The following TRIM8 variants were observed in gnomAD, a reference collection of about 807,000 sequenced individuals.
TRIM8 encodes E3 ubiquitin-protein ligase TRIM8.
In TRIM8, 9 loss-of-function variants were observed where a neutral mutation model predicts 55.7. That is an observed-to-expected ratio of 0.16 (90% CI 0.10 to 0.28). The LOEUF (loss-of-function observed/expected upper bound fraction) is 0.28, where lower values mean the gene tolerates loss of function less well. TRIM8 is among the 10% of genes least tolerant of loss of function. TRIM8 has a pLI of 1.00. For missense variants in TRIM8, 556 were observed against 736.4 expected (o/e 0.76, Z 2.83); for synonymous variants, 335 against 333.3 (o/e 1.01, Z -0.06).
intron 2 of TRIM8, 36 bp from the exon 3 acceptor site, chr10:102,655,044 T>A (rs776883021): frequency 6.2e-7 from 1 of 1,608,694 alleles, no homozygotes; most frequent in Non-Finnish European, 8.5e-7. Flanking sequence ...TTCCAGTGCT[T>A]ACCTGCCTGC....
chr10:102,654,838 C>G lies in TRIM8; in HGVS notation c.666+90C>G, dbSNP rs1006953073. 1.8e-5 allele frequency: 19 copies of G among 1,074,210 alleles called. No homozygotes were observed. In the Admixed American group the frequency reaches 1.9e-4, roughly 11 times the overall value. The allele number at this position is 1,074,210 out of a possible 1,614,324, so 66.5% of individuals were successfully genotyped here. A position where few individuals can be genotyped will look rare whatever the true frequency, so the allele number is the denominator to read the frequency against. ...CCTTACTAAGGATTGATTGTGTAGC[C>G]CTATGCCAGAACCACTCCATCAGTC... On this transcript the variant is annotated intron_variant, in intron 2 of 5. Transcript: ENST00000643721.
chr10:102,656,226 C>T lies in TRIM8; in HGVS notation c.933-44C>T, dbSNP rs368486398. ...TGGCGGGGAGGTAGGGCGGGCTCAC[C>T]GGTGATGCCTCCTCACAGCAGATGC... On this transcript the variant is annotated intron_variant, in intron 4 of 5. Transcript: ENST00000643721. This position sits in a 1 kb window ranked among gnomAD's most constrained non-coding sequence, Gnocchi z 4.6. 79 of 1,613,902 alleles carry T rather than the reference C, an allele frequency of 4.9e-5. No individual in the cohort carries two copies. The highest frequency in any genetic ancestry group is 3.8e-4 in the South Asian group (35 of 91,078).
Position 102,658,247 on chromosome 10 carries a change from GTATT to G in TRIM8, c.*898_*901del, listed in dbSNP as rs1654657957. 1 of 152,132 alleles carries G rather than the reference GTATT, an allele frequency of 6.6e-6. No homozygotes were observed. The highest frequency in any genetic ancestry group is 1.5e-5 in the Non-Finnish European group (1 of 68,048). The allele number at this position is 152,132 out of a possible 1,614,324, so 9.4% of individuals were successfully genotyped here. A position where few individuals can be genotyped will look rare whatever the true frequency, so the allele number is the denominator to read the frequency against. On this transcript the variant is annotated 3_prime_UTR_variant, in exon 6 of 6. Coordinates refer to ENST00000643721, the MANE Select transcript of TRIM8 (RefSeq NM_030912.3). ...TGGACTTCCTGTTCTCAAGGCGCAGGTATTTATTCTGTATCTGTCTAGAGCACAC... is the reference window on the plus strand; with the variant it reads ...TGGACTTCCTGTTCTCAAGGCGCAGGTATTCTGTATCTGTCTAGAGCACAC...
At chr10:102,654,561 G>T in intron 1 of TRIM8, 92 bp from the exon 2 acceptor site, 2 of 1,023,594 alleles carry the variant, frequency 2.0e-6, no homozygotes, top group Non-Finnish European at 3.1e-6. Context: ...CGGGTCAAAG[G>T]ATCCATAGGA....
In TRIM8 at chr10:102,657,050, C is replaced by G. The variant is rs1380083291; in HGVS notation, c.1352C>G (p.Ala451Gly). The G allele has an allele frequency of 6.2e-7, 1 of 1,613,094 alleles. No homozygotes were observed. The highest frequency in any genetic ancestry group is 8.5e-7 in the Non-Finnish European group (1 of 1,179,996). The change falls in exon 6 of 6, where the codon GCC (alanine) becomes GGC (glycine). Residue 451 changes from alanine (A) to glycine (G), a missense_variant. Coordinates refer to ENST00000643721, the MANE Select transcript of TRIM8 (RefSeq NM_030912.3). ...FPPSQYPNGS[A>G]AQQPMLPQYG... The stretch of plus-strand genomic sequence containing the variant: ...CCATCGCAGTATCCCAATGGCTCCG[C>G]CGCCCAGCAGCCCATGCTCCCCCAG...
At chr10:102,646,546 C>T (rs1047330003) in intron 1 of TRIM8, among the ~76,000 whole-genome samples, 2 of 152,126 alleles carry the variant, frequency 1.3e-5, no homozygotes, top group Non-Finnish European at 2.9e-5. Flanking sequence ...CAGGCTGGGG[C>T]GGGGGCAGCA....
In TRIM8 at chr10:102,656,749, C is replaced by G; in HGVS notation, c.1051C>G (p.Pro351Ala). 1 of 1,510,736 alleles carries G rather than the reference C, an allele frequency of 6.6e-7. No individual in the cohort carries two copies. Among genetic ancestry groups the G allele is most frequent in the Non-Finnish European group, 8.8e-7 (1 of 1,131,068 alleles). The allele number at this position is 1,510,736 out of a possible 1,614,324, so 93.6% of individuals were successfully genotyped here. ...EKQLRKMLEG[P>A]FSTPVPFLQS... Reference sequence around the variant, plus strand: ...ACTTTTGCCCCAACTCTCCACAGGCCCCTTCAGCACGCCGGTGCCCTTCCT... The same window carrying G: ...ACTTTTGCCCCAACTCTCCACAGGCGCCTTCAGCACGCCGGTGCCCTTCCT... Residue 351 changes from proline to alanine, a missense_variant and splice_region_variant, in exon 6 of 6, where the codon CCC (proline) becomes GCC (alanine). By Grantham distance (27) the Pro-to-Ala change is conservative (BLOSUM62 -1). Transcript: ENST00000643721. This position sits in a 1 kb window ranked among gnomAD's most constrained non-coding sequence, Gnocchi z 4.6.
chr10:102,651,962 C>T (rs1363445666), intron 1 of TRIM8, among the ~76,000 whole-genome samples: 1 of 152,206 alleles, frequency 6.6e-6, no homozygotes, highest in African/African-American at 2.4e-5. Flanking sequence ...TTCCCATGTG[C>T]GTGCGCAGCT....
intron 1 of TRIM8, among the ~76,000 whole-genome samples, chr10:102,649,610 C>G (rs912753115): frequency 3.3e-5 from 5 of 152,198 alleles, no homozygotes; most frequent in African/African-American, 7.2e-5. Context: ...TTCTGCTGCC[C>G]CAGAGCGCTG....
intron 1 of TRIM8, among the ~76,000 whole-genome samples, chr10:102,652,218 G>T (rs2063991191): frequency 6.6e-6 from 1 of 152,166 alleles, no homozygotes; most frequent in South Asian, 2.1e-4. Context: ...CAGGGTTCTG[G>T]TTTTTTCCAC....
chr10:102,655,988 T>G, intron 3 of TRIM8, 118 bp from the exon 4 acceptor site: 12 of 1,452,206 alleles, frequency 8.3e-6, no homozygotes, highest in African/African-American at 1.4e-5. Flanking sequence ...CTGTCCAGAA[T>G]GAGAGGATCC....
Position 102,655,210 on chromosome 10 carries a change from C to T in TRIM8, c.797C>T (p.Ala266Val). 6.2e-7 allele frequency: 1 copy of T among 1,607,860 alleles called. No homozygotes were observed. The highest frequency in any genetic ancestry group is 8.5e-7 in the Non-Finnish European group (1 of 1,178,288). ...CAGGCCAAGTTCTGCAGCGAGAACG[C>T]AGCGCAGGCGCTGCACCTCGGGGAG... Reference protein sequence around the residue: ...KAQAKFCSENAAQALHLGERM... With the variant: ...KAQAKFCSENVAQALHLGERM... Residue 266 changes from alanine to valine, a missense_variant, in exon 3 of 6, where the codon GCA (alanine) becomes GTA (valine). Coordinates refer to ENST00000643721, the MANE Select transcript of TRIM8 (RefSeq NM_030912.3).
chr10:102,647,898 G>A (rs979783123), intron 1 of TRIM8, among the ~76,000 whole-genome samples: 1 of 152,188 alleles, frequency 6.6e-6, no homozygotes, highest in African/African-American at 2.4e-5. Context: ...AGGTGCACAT[G>A]GGCCATAGCC....
Position 102,656,094 on chromosome 10 carries a change from T to C in TRIM8, c.901-12T>C. The C allele has an allele frequency of 6.2e-7, 1 of 1,613,962 alleles. No homozygotes were observed. Among genetic ancestry groups the C allele is most frequent in the Admixed American group, 1.7e-5 (1 of 60,002 alleles). The stretch of plus-strand genomic sequence containing the variant: ...CTTTTCCACTGACTTGACTCTTTTC[T>C]CTCCCCAACAGAACACCAAGTCTGT... On this transcript the variant is annotated splice_polypyrimidine_tract_variant and intron_variant, in intron 3 of 5. Transcript: ENST00000643721. The surrounding 1 kb of genome is among the most constrained non-coding windows in gnomAD (Gnocchi z 4.6).
chr10:102,645,303 T>C, intron 1 of TRIM8, 116 bp downstream of exon 1: 1 of 1,156,222 alleles, frequency 8.6e-7, no homozygotes, highest in Non-Finnish European at 1.2e-6. Context: ...ATCAGGCCAG[T>C]GGCCCCTGGC....
At chr10:102,646,131 G>T (rs1005203918) in intron 1 of TRIM8, among the ~76,000 whole-genome samples, 1 of 152,188 alleles carries the variant, frequency 6.6e-6, no homozygotes, top group South Asian at 2.1e-4. Context: ...CAGGCCTCTG[G>T]GCCTGGTTTT....
intron 1 of TRIM8, among the ~76,000 whole-genome samples, chr10:102,650,791 G>A (rs911775391): frequency 8.5e-5 from 13 of 152,180 alleles, no homozygotes; most frequent in African/African-American, 3.1e-4. Context: ...GGAGGCAGGT[G>A]GGGGTTGGGA....
rs1203696466 is a variant in TRIM8, at chr10:102,655,061, C to T, written c.667-19C>T. 11 of 1,612,882 alleles carry T rather than the reference C, an allele frequency of 6.8e-6. No individual in the cohort carries two copies. The highest frequency in any genetic ancestry group is 1.7e-5 in the Admixed American group (1 of 59,750). On this transcript the variant is annotated intron_variant, in intron 2 of 5. Transcript: ENST00000643721. ...CCAGTGCTTACCTGCCTGCCCACTC[C>T]TGCCCTCTGTACTCGCAGGAGAAAG...
At chr10:102,655,797 A>G (rs1293426709) in intron 3 of TRIM8, among the ~76,000 whole-genome samples, 6 of 152,210 alleles carry the variant, frequency 3.9e-5, no homozygotes, top group African/African-American at 1.4e-4. Context: ...TCCAAATTCC[A>G]AAACACATCT....
Sources: gnomAD v4.1 joint callset for allele counts (sites outside exome capture counted in the v4.1 genomes callset) on GRCh38, gnomAD v4.1.1 for gene constraint, Gnocchi (gnomAD v3.1) non-coding constraint, MANE v1.5 for transcripts, NCBI Gene and HGNC (gene_info 2026-07-23, HGNC 2026-07-21) for gene names.